Variants in PPP1R3F observed in about 807,000 individuals in gnomAD.
The protein encoded by PPP1R3F is protein phosphatase 1 regulatory subunit 3F.
Under a neutral mutation model 24.2 loss-of-function variants are expected in PPP1R3F, and 29 were observed. The observed-to-expected ratio is 1.20, with a 90% confidence interval of 0.89 to 1.63. The LOEUF is 1.63. Ranked by LOEUF, PPP1R3F falls within the 40% of genes most tolerant of loss-of-function variation. The pLI is 0.00. For synonymous variants in PPP1R3F, 363 were observed against 340.1 expected (o/e 1.07, Z -0.74); for missense variants, 823 against 729.3 (o/e 1.13, Z -1.48).
At chrX:49,296,434 GTCTA>G (rs2066323044) in intron 3 of PPP1R3F, among the ~76,000 whole-genome samples, 2 of 111,214 alleles carry the variant, frequency 1.8e-5, no homozygotes, top group Non-Finnish European at 3.8e-5. Flanking sequence ...CTGGCTAGCA[GTCTA>G]TCTATTTTGT....
At chrX:49,280,264 T>TTTTC in intron 1 of PPP1R3F, among the ~76,000 whole-genome samples, 1 of 85,884 alleles carries the variant, frequency 1.2e-5, no homozygotes, top group East Asian at 3.5e-4. Context: ...GTTTTGTTTT[T>TTTTC]GTGAGATAAT....
intron 3 of PPP1R3F, among the ~76,000 whole-genome samples, chrX:49,299,310 C>T (rs1033012132): frequency 8.9e-5 from 10 of 112,132 alleles, no homozygotes; most frequent in African/African-American, 3.2e-4. Context: ...CACTCCAGAC[C>T]CTGTTTGCCT....
At chrX:49,285,690 G>A (rs1290128996) in intron 3 of PPP1R3F, 144 bp from the exon 4 acceptor site, 2 of 481,180 alleles carry the variant, frequency 4.2e-6, no homozygotes, top group East Asian at 4.1e-5. Flanking sequence ...GTGACAGAGG[G>A]CGCTTTAAGG....
intron 2 of PPP1R3F, among the ~76,000 whole-genome samples, 194 bp from the exon 3 acceptor site, chrX:49,281,787 C>T (rs1350871642): frequency 1.8e-5 from 2 of 110,690 alleles, no homozygotes; most frequent in Non-Finnish European, 3.8e-5. Context: ...ATGATTGTGC[C>T]ACTGCACCCC....
rs1557122996 is a variant in PPP1R3F, at chrX:49,297,879, C to G, written c.393-3472C>G. On this transcript the variant is annotated intron_variant, in intron 3 of 3. Coordinates refer to the PPP1R3F transcript ENST00000471261. ...GCTTTCCATTTGCTTGGTAAGTATT[C>G]CTTCATCCTTTTATTTTTGAGCCTA... Among the ~76,000 whole-genome samples the G allele has an allele frequency of 6.2e-5, 3 of 48,004 alleles. No individual in the cohort carries two copies. The Admixed American group carries it at 9.0e-4, about 14-fold the overall frequency. 41.7% of individuals were successfully genotyped at this position (48,004 alleles called of 115,157 possible).
Position 49,286,368 on chromosome X carries a change from C to A in PPP1R3F, c.1678C>A (p.Leu560Met). The A allele has an allele frequency of 8.4e-7, 1 of 1,194,620 alleles. No homozygotes were observed. Among genetic ancestry groups the A allele is most frequent in the Non-Finnish European group, 1.1e-6 (1 of 884,599 alleles). ...AEEITLHYAR[L>M]GRGVELIKDT... ...GGAGATCACGCTGCACTATGCCCGG[C>A]TGGGGCGTGGCGTGGAGCTCATCAA... is the stretch of plus-strand genomic sequence containing the variant. Residue 560 changes from leucine (L) to methionine (M), a missense_variant, in exon 4 of 4, where the codon CTG becomes ATG. By Grantham distance (15) the Leu-to-Met change is conservative (BLOSUM62 2). Transcript: ENST00000055335.
At chrX:49,290,306 G>A (rs1432669076), downstream of PPP1R3F, among the ~76,000 whole-genome samples, 1 of 110,482 alleles carries the variant, frequency 9.1e-6, no homozygotes, top group South Asian at 3.8e-4. Flanking sequence ...ATCGACTAGT[G>A]GGGAATCCTC....
At chrX:49,284,513 T>C (rs59137148) in intron 3 of PPP1R3F, among the ~76,000 whole-genome samples, 2,696 of 91,332 alleles carry the variant, frequency 0.03, 65 homozygotes, top group African/African-American at 0.11. Context: ...TTCTTTCTTT[T>C]TTTTTTTTTT....
Position 49,269,942 on chromosome X carries a change from C to T in PPP1R3F, c.73C>T (p.Arg25Cys), listed in dbSNP as rs2066160240. 1 of 906,688 alleles carries T rather than the reference C, an allele frequency of 1.1e-6. No individual in the cohort carries two copies. The highest frequency in any genetic ancestry group is 1.4e-6 in the Non-Finnish European group (1 of 736,316). The allele number at this position is 906,688 out of a possible 1,213,427, so 74.7% of individuals were successfully genotyped here. A position where few individuals can be genotyped will look rare whatever the true frequency, so the allele number is the denominator to read the frequency against. ...APPSPAAGEP[R>C]TSVEAAVAPR... is the part of the protein sequence containing the mutation. ...CCCCTCGCCGGCCGCGGGTGAGCCC[C>T]GCACCTCGGTCGAGGCGGCGGTGGC... Residue 25 changes from arginine to cysteine, a missense_variant, in exon 1 of 4, where the codon CGC becomes TGC. By Grantham distance (180) the Arg-to-Cys change is radical. Transcript: ENST00000055335.
chrX:49,273,035 T>A lies in PPP1R3F; in HGVS notation c.1004+2162T>A, dbSNP rs945525565. On this transcript the variant is annotated intron_variant, in intron 1 of 3. Coordinates refer to ENST00000055335, the MANE Select transcript of PPP1R3F (RefSeq NM_033215.5). ...AGCATGTCGTGCTTTCCTTTTACCT[T>A]TTTTTTTTTTTTTGCTTTATCGAGG... is the stretch of plus-strand genomic sequence containing the variant. The A allele has an allele frequency of 1.7e-4, 18 of 105,181 alleles. 1 individual carries two copies. Among genetic ancestry groups the A allele is most frequent in the Admixed American group, 1.1e-3 (11 of 9,895 alleles). 8.7% of individuals were successfully genotyped at this position (105,181 alleles called of 1,213,427 possible). A position where few individuals can be genotyped will look rare whatever the true frequency, so the allele number is the denominator to read the frequency against.
rs782022172 is a variant in PPP1R3F at position 49,286,829 on chromosome X, A to C, written c.2139A>C (p.Glu713Asp). 4 of 1,201,286 alleles carry C rather than the reference A, an allele frequency of 3.3e-6. No homozygotes were observed. The South Asian group carries it at 7.3e-5, about 22-fold the overall frequency. The part of the protein sequence containing the change: ...NPTLLSPLGA[E>D]VCLSSVARPH... ...CCCTCCTCAGTCCCTTGGGGGCCGA[A>C]GTCTGTCTCTCTAGTGTAGCCAGGC... is the stretch of plus-strand genomic sequence containing the variant. The change falls in exon 4 of 4, where the codon GAA becomes GAC. Residue 713 changes from glutamate (E) to aspartate (D), a missense_variant. Coordinates refer to ENST00000055335, the MANE Select transcript of PPP1R3F (RefSeq NM_033215.5).
chrX:49,301,079 G>A (rs1350393288), intron 3 of PPP1R3F, among the ~76,000 whole-genome samples: 2 of 112,506 alleles, frequency 1.8e-5, no homozygotes, highest in Admixed American at 9.4e-5. Flanking sequence ...TTACATATGT[G>A]TTTTCCAAAT....
chrX:49,301,139 G>A (rs782108968), intron 3 of PPP1R3F, among the ~76,000 whole-genome samples: 7 of 112,628 alleles, frequency 6.2e-5, no homozygotes, highest in Admixed American at 4.7e-4. Context: ...GGTACTTGAT[G>A]TATAGGTAAG....
chrX:49,271,369 T>A (rs2066179215), intron 1 of PPP1R3F, among the ~76,000 whole-genome samples: 1 of 112,095 alleles, frequency 8.9e-6, no homozygotes, highest in African/African-American at 3.2e-5. Context: ...AGGACTTTTC[T>A]GAGGAGGTTT....
chrX:49,279,247 AAAAC>A (rs1462671282), intron 1 of PPP1R3F, among the ~76,000 whole-genome samples: 6 of 111,910 alleles, frequency 5.4e-5, no homozygotes, highest in African/African-American at 9.8e-5. Context: ...CAAAAAAACA[AAAAC>A]AAAAACCAAA....
At chrX:49,301,084 C>T (rs782802114) in intron 3 of PPP1R3F, among the ~76,000 whole-genome samples, 1 of 112,388 alleles carries the variant, frequency 8.9e-6, no homozygotes. Context: ...TATGTGTTTT[C>T]CAAATTGCTG....
chrX:49,271,756 C>G (rs1284988400), intron 1 of PPP1R3F, among the ~76,000 whole-genome samples: 1 of 113,162 alleles, frequency 8.8e-6, no homozygotes, highest in Non-Finnish European at 1.9e-5. Flanking sequence ...AGCCCATGCT[C>G]TCACAAGAAA....
chrX:49,276,483 C>G (rs782767572), intron 1 of PPP1R3F, among the ~76,000 whole-genome samples: 1 of 112,066 alleles, frequency 8.9e-6, no homozygotes, highest in African/African-American at 3.3e-5. Flanking sequence ...GTTGTGAAAT[C>G]AATTTACTGG....
chrX:49,279,267 C>A (rs1557120364), intron 1 of PPP1R3F, among the ~76,000 whole-genome samples: 1 of 111,818 alleles, frequency 8.9e-6, no homozygotes, highest in African/African-American at 3.3e-5. Flanking sequence ...CCAAAAAACC[C>A]CAAAAACTTC....
Sources: allele counts gnomAD v4.1 joint callset (sites outside exome capture counted in the v4.1 genomes callset), GRCh38; gene constraint gnomAD v4.1.1; transcripts MANE v1.5; gene names NCBI Gene and HGNC (gene_info 2026-07-23, HGNC 2026-07-21).